The following SAMMSON variants were observed in gnomAD, a reference collection of about 807,000 sequenced individuals.
SAMMSON encodes long intergenic non-protein coding RNA 1212.
At chr3:70,126,127 G>A in intron 4 of SAMMSON, 1 of 1,273,980 alleles carries the variant, frequency 7.8e-7, no homozygotes, top group Admixed American at 2.0e-5. Flanking sequence ...TGTGCTGGAA[G>A]GTGGTGGGTA....
At chr3:70,399,177 T>C (rs1701115894) in intron 2 of SAMMSON, among the ~76,000 whole-genome samples, 1 of 152,198 alleles carries the variant, frequency 6.6e-6, no homozygotes, top group Non-Finnish European at 1.5e-5. Context: ...CAAGCCCACC[T>C]ACTCATATTC....
intron 1 of SAMMSON, among the ~76,000 whole-genome samples, chr3:70,008,387 T>C (rs1313020974): frequency 1.3e-5 from 2 of 152,190 alleles, no homozygotes; most frequent in Non-Finnish European, 2.9e-5. Context: ...GATTCCTAGG[T>C]ATTTTATTCT....
At chr3:70,083,419 C>T (rs1279267879) in intron 4 of SAMMSON, among the ~76,000 whole-genome samples, 1 of 152,158 alleles carries the variant, frequency 6.6e-6, no homozygotes, top group African/African-American at 2.4e-5. Context: ...ATTTCTATGT[C>T]ACCTCTATCC....
Position 70,400,151 on chromosome 3 carries a change from T to C in SAMMSON, n.233+41827T>C, listed in dbSNP as rs141182167. On this transcript the variant is annotated intron_variant and non_coding_transcript_variant, in intron 2 of 3. Transcript: ENST00000641053. Reference sequence around the variant, plus strand: ...GAATTTTCTGTTAAAATACATGTAATCAAGAAAAAGGGGACCAATCAAAAA... The same window carrying C: ...GAATTTTCTGTTAAAATACATGTAACCAAGAAAAAGGGGACCAATCAAAAA... Among the ~76,000 whole-genome samples the C allele has an allele frequency of 7.1e-3, 1,088 of 152,228 alleles. 10 individuals carry two copies. Among genetic ancestry groups the C allele is most frequent in the African/African-American group, 0.025 (1,021 of 41,550 alleles).
At chr3:70,220,408 C>T (rs564033924) in intron 4 of SAMMSON, among the ~76,000 whole-genome samples, 20 of 152,028 alleles carry the variant, frequency 1.3e-4, no homozygotes, top group Admixed American at 1.2e-3. Flanking sequence ...CACTCCACTC[C>T]ACCTGGGAGA....
At chr3:70,295,768 A>C (rs774476952) in intron 7 of SAMMSON, among the ~76,000 whole-genome samples, 17 of 152,166 alleles carry the variant, frequency 1.1e-4, no homozygotes, top group Non-Finnish European at 2.2e-4. Flanking sequence ...GATCTGTGAT[A>C]TCTTTTGATT....
chr3:70,239,795 C>T (rs765538391), intron 4 of SAMMSON, among the ~76,000 whole-genome samples: 37 of 152,024 alleles, frequency 2.4e-4, no homozygotes, highest in Non-Finnish European at 4.7e-4. Flanking sequence ...AATACAGTGA[C>T]GTCTCGTTCA....
chr3:70,263,190 T>C (rs1219416107), intron 6 of SAMMSON, among the ~76,000 whole-genome samples: 1 of 152,186 alleles, frequency 6.6e-6, no homozygotes, highest in African/African-American at 2.4e-5. Flanking sequence ...TGATTTTTCC[T>C]TCTGGTTATG....
intron 3 of SAMMSON, among the ~76,000 whole-genome samples, chr3:70,062,409 C>A (rs774154323): frequency 7.2e-5 from 11 of 152,056 alleles, no homozygotes; most frequent in Non-Finnish European, 1.2e-4. Flanking sequence ...TTTGATTTAA[C>A]ATATTAATTT....
rs146222283 is a variant in SAMMSON at position 70,253,492 on chromosome 3, G to A, written n.674+3822G>A. Reference sequence around the variant, plus strand: ...CATCCAGCTGGGCACAGTGGCTCATGCCTGTCATCCCAGCACTTTGGGAGG... The same window carrying A: ...CATCCAGCTGGGCACAGTGGCTCATACCTGTCATCCCAGCACTTTGGGAGG... On this transcript the variant is annotated intron_variant and non_coding_transcript_variant, in intron 6 of 9. Coordinates refer to ENST00000642114, the Ensembl canonical transcript of SAMMSON. Among the ~76,000 whole-genome samples, 307 of 152,336 alleles carry A rather than the reference G, an allele frequency of 2.0e-3. 1 individual carries two copies. The highest frequency in any genetic ancestry group is 2.9e-3 in the Non-Finnish European group (200 of 68,036).
chr3:70,224,958 C>A (rs1229738279), intron 4 of SAMMSON, among the ~76,000 whole-genome samples: 1 of 152,078 alleles, frequency 6.6e-6, no homozygotes, highest in Non-Finnish European at 1.5e-5. Flanking sequence ...TGACTAAATA[C>A]AAGGTTTTCA....
At chr3:70,257,227 C>A (rs1701825263) in intron 6 of SAMMSON, among the ~76,000 whole-genome samples, 1 of 152,172 alleles carries the variant, frequency 6.6e-6, no homozygotes. Flanking sequence ...TTGGCAAACC[C>A]TTCCCCATTC....
chr3:70,278,989 T>C (rs1386944041), intron 6 of SAMMSON, among the ~76,000 whole-genome samples: 1 of 151,640 alleles, frequency 6.6e-6, no homozygotes, highest in Admixed American at 6.6e-5. Flanking sequence ...GAAGTGGCTC[T>C]GAGAAAATCC....
rs189850937 is a variant in SAMMSON at position 70,168,876 on chromosome 3, A to C, written n.508-80231A>C. On this transcript the variant is annotated intron_variant and non_coding_transcript_variant, in intron 4 of 9. Coordinates refer to ENST00000642114, the Ensembl canonical transcript of SAMMSON. ...ATGTGTTACATTTGGAACCCACACC[A>C]ATATGTTTGCTGACACCTCATTCAA... 3.2e-4 allele frequency among the ~76,000 whole-genome samples: 49 copies of C among 152,118 alleles called. No homozygotes were observed. The East Asian group carries it at 6.6e-3, about 20-fold the overall frequency.
In SAMMSON at chr3:70,246,605, A is replaced by T. The variant is rs574477095; in HGVS notation, n.508-2502A>T. ...AAGGATGTTCCATGAAATACGAGGA[A>T]CATACTTGATAACTGAAACGTATTT... On this transcript the variant is annotated intron_variant and non_coding_transcript_variant, in intron 4 of 9. Coordinates refer to ENST00000642114, the Ensembl canonical transcript of SAMMSON. Among the ~76,000 whole-genome samples, 8 of 152,224 alleles carry T rather than the reference A, an allele frequency of 5.3e-5. No homozygotes were observed. In the South Asian group the frequency reaches 1.0e-3, roughly 20 times the overall value.
chr3:70,426,722 A>G (rs1358629519), intron 2 of SAMMSON, among the ~76,000 whole-genome samples: 1 of 152,208 alleles, frequency 6.6e-6, no homozygotes, highest in South Asian at 2.1e-4. Context: ...CACTGTCACA[A>G]GATAGTGGAG....
chr3:70,041,009 G>A (rs935237630), intron 3 of SAMMSON, among the ~76,000 whole-genome samples: 11 of 152,072 alleles, frequency 7.2e-5, no homozygotes, highest in Admixed American at 2.0e-4. Flanking sequence ...CTCCTTTGAC[G>A]TTACCAGGGG....
chr3:70,014,076 G>A (rs2066970631), intron 3 of SAMMSON: 1 of 152,138 alleles, frequency 6.6e-6, no homozygotes, highest in South Asian at 2.1e-4. Flanking sequence ...GTTCTCCTCA[G>A]TATTGGTTTC....
chr3:70,092,078 C>T (rs2067306838), intron 4 of SAMMSON, among the ~76,000 whole-genome samples: 1 of 152,168 alleles, frequency 6.6e-6, no homozygotes, highest in East Asian at 1.9e-4. Flanking sequence ...AGGCTCTAGG[C>T]CTGGGTTTCC....
Sources: gnomAD v4.1 joint callset for allele counts (sites outside exome capture counted in the v4.1 genomes callset) on GRCh38, gnomAD v4.1.1 for gene constraint, MANE v1.5 for transcripts, NCBI Gene and HGNC (gene_info 2026-07-23, HGNC 2026-07-21) for gene names.